FYB2: variants seen among roughly 807,000 people sequenced by gnomAD.
The protein encoded by FYB2 is FYN binding protein 2.
A neutral mutation model predicts 94.1 loss-of-function variants in FYB2; 103 were observed. The ratio of observed to expected loss-of-function variants is 1.09; its 90% CI spans 0.93 to 1.29. The LOEUF is 1.29. Ranked by LOEUF, FYB2 falls within the 50% of genes most tolerant of loss-of-function variation. The pLI is 0.00. For synonymous variants in FYB2, 293 were observed against 287.9 expected (o/e 1.02, Z -0.18); for missense variants, 896 against 841.5 (o/e 1.06, Z -0.80).
intron 1 of FYB2, among the ~76,000 whole-genome samples, chr1:56,796,447 C>T (rs1021448447): frequency 3.9e-5 from 6 of 152,172 alleles, no homozygotes; most frequent in East Asian, 3.9e-4. Flanking sequence ...CACCTCCCTT[C>T]GATTCTTCCT....
chr1:56,813,450 C>T lies in FYB2; in HGVS notation c.9+5832G>A, dbSNP rs543119719. On this transcript the variant is annotated intron_variant, in intron 1 of 19. Coordinates refer to ENST00000343433, the MANE Select transcript of FYB2 (RefSeq NM_001004303.5). ...CTTATTCACTATCACGAGAACATCA[C>T]AGGAAAAACCCACCCCCATGATTCA... 5.7e-4 allele frequency among the ~76,000 whole-genome samples: 87 copies of T among 152,274 alleles called. 1 individual carries two copies. Among genetic ancestry groups the T allele is most frequent in the African/African-American group, 2.1e-3 (87 of 41,538 alleles).
At position 56,749,196 on chromosome 1, in the gene FYB2, G is replaced by A. The variant is rs374222354; in HGVS notation, c.1387+1848C>T. Among the ~76,000 whole-genome samples, 764 of 151,362 alleles carry A rather than the reference G, an allele frequency of 5.0e-3. 6 individuals are homozygous for A. The highest frequency in any genetic ancestry group is 0.018 in the African/African-American group (729 of 41,346). On this transcript the variant is annotated intron_variant, in intron 9 of 19. Transcript: ENST00000343433. ...TTTTTATCCTGCTTGAGAACTTTAGGGTTCCTGGCTTTGCAAATTTATCTC... is the reference window on the plus strand; with the variant it reads ...TTTTTATCCTGCTTGAGAACTTTAGAGTTCCTGGCTTTGCAAATTTATCTC...
upstream of FYB2, among the ~76,000 whole-genome samples, chr1:56,822,217 C>T (rs1557683064): frequency 6.6e-6 from 1 of 152,190 alleles, no homozygotes; most frequent in South Asian, 2.1e-4. Flanking sequence ...AGTTAAGTCT[C>T]CTCTTCAGGT....
At chr1:56,744,000 C>G in intron 11 of FYB2, 26 bp downstream of exon 11, 1 of 1,608,402 alleles carries the variant, frequency 6.2e-7, no homozygotes, top group Non-Finnish European at 8.5e-7. Context: ...CTACTGGCAA[C>G]TTCAGAAATG....
intron 13 of FYB2, among the ~76,000 whole-genome samples, chr1:56,740,313 G>C (rs1644921906): frequency 6.6e-6 from 1 of 152,016 alleles, no homozygotes; most frequent in South Asian, 2.1e-4. Context: ...TGGAACAGTA[G>C]ACAAATAAAA....
intron 1 of FYB2, among the ~76,000 whole-genome samples, chr1:56,816,462 C>T (rs1646884314): frequency 6.6e-6 from 1 of 152,184 alleles, no homozygotes; most frequent in South Asian, 2.1e-4. Context: ...CCTTTTATGA[C>T]ACAGTCTCTG....
intron 15 of FYB2, among the ~76,000 whole-genome samples, chr1:56,731,613 C>A (rs1644712386): frequency 6.6e-6 from 1 of 152,020 alleles, no homozygotes; most frequent in African/African-American, 2.4e-5. Context: ...AGCCATCATC[C>A]CCTCCATGGT....
At chr1:56,805,727 C>G (rs1557667646) in intron 1 of FYB2, among the ~76,000 whole-genome samples, 1 of 152,146 alleles carries the variant, frequency 6.6e-6, no homozygotes, top group Admixed American at 6.5e-5. Context: ...CTGTGCTGCT[C>G]TCATGATAGT....
At chr1:56,791,259 T>TC (rs1646257543) in intron 2 of FYB2, among the ~76,000 whole-genome samples, 1 of 132,604 alleles carries the variant, frequency 7.5e-6, no homozygotes, top group Non-Finnish European at 1.7e-5. Context: ...ACAGTCCTTA[T>TC]CTTTTTTTTT....
intron 1 of FYB2, among the ~76,000 whole-genome samples, chr1:56,817,409 C>T (rs1364081399): frequency 6.6e-6 from 1 of 152,206 alleles, no homozygotes; most frequent in African/African-American, 2.4e-5. Context: ...GAAATGGTCT[C>T]ATTGAAAATA....
At chr1:56,748,132 G>T (rs1645111137) in intron 9 of FYB2, among the ~76,000 whole-genome samples, 1 of 152,104 alleles carries the variant, frequency 6.6e-6, no homozygotes, top group Non-Finnish European at 1.5e-5. Context: ...GTTTCTTGTA[G>T]ATTCTGGATA....
intron 4 of FYB2, 55 bp from the exon 5 acceptor site, chr1:56,767,993 G>T: frequency 7.3e-7 from 1 of 1,372,868 alleles, no homozygotes; most frequent in Middle Eastern, 1.8e-4. Context: ...TATTTTGAAA[G>T]CTTTTTGTAT....
At chr1:56,819,549 G>C, upstream of FYB2, 1 of 582,474 alleles carries the variant, frequency 1.7e-6, no homozygotes, top group Non-Finnish European at 3.1e-6. Context: ...TACTCCACCT[G>C]CAGTCCTGCC....
chr1:56,745,531 C>G (rs11206912), intron 9 of FYB2, among the ~76,000 whole-genome samples: 47,912 of 151,780 alleles, frequency 0.32, 7,568 homozygotes, highest in East Asian at 0.34. Flanking sequence ...CATCTGTCCA[C>G]TGTAGTTTCA....
intron 6 of FYB2, among the ~76,000 whole-genome samples, chr1:56,758,445 T>C (rs573670571): frequency 9.9e-4 from 151 of 152,168 alleles, no homozygotes; most frequent in Non-Finnish European, 1.0e-3. Flanking sequence ...CTGGAAGTCA[T>C]AGTTATTAAA....
rs12083007 is a variant in FYB2, at chr1:56,787,464, C to A, written c.920-256G>T. On this transcript the variant is annotated intron_variant, in intron 3 of 19. Coordinates refer to ENST00000343433, the MANE Select transcript of FYB2 (RefSeq NM_001004303.5). ...ATTAGACTTTGACCTCCTTAAAGAC[C>A]AGAACCCCTGTGGGGTTTATCTCTT... 0.13 allele frequency among the ~76,000 whole-genome samples: 20,057 copies of A among 152,220 alleles called. 1,422 individuals are homozygous for A. Among genetic ancestry groups the A allele is most frequent in the East Asian group, 0.27 (1,388 of 5,160 alleles).
At chr1:56,796,026 A>C (rs951379086) in intron 1 of FYB2, among the ~76,000 whole-genome samples, 4 of 152,176 alleles carry the variant, frequency 2.6e-5, no homozygotes, top group Non-Finnish European at 5.9e-5. Flanking sequence ...ATTACACAAG[A>C]AAATATTAGA....
Position 56,740,784 on chromosome 1 carries a change from T to A in FYB2, c.1616A>T (p.Lys539Ile). The A allele has an allele frequency of 6.2e-7, 1 of 1,601,826 alleles. No homozygotes were observed. Residue 539 changes from lysine to isoleucine, a missense_variant, in exon 13 of 20, where the codon AAA becomes ATA. By Grantham distance (102) the Lys-to-Ile change is moderately radical. Transcript: ENST00000343433. ...TTGCTGCAGTCTTTTGAGTGCTTCT[T>A]TTCCATCTAAACTGAGAGGAATCAC... ...NNYPKIDLDGKEALKRLQQFF... is the reference protein window; with the variant it reads ...NNYPKIDLDGIEALKRLQQFF...
intron 1 of FYB2, among the ~76,000 whole-genome samples, chr1:56,812,715 T>C (rs1646794422): frequency 6.6e-6 from 1 of 152,178 alleles, no homozygotes; most frequent in South Asian, 2.1e-4. Flanking sequence ...ATCATTTCTG[T>C]CCGTTTTCCA....
Sources: gnomAD v4.1 joint callset for allele counts (sites outside exome capture counted in the v4.1 genomes callset) on GRCh38, gnomAD v4.1.1 for gene constraint, MANE v1.5 for transcripts, NCBI Gene and HGNC (gene_info 2026-07-23, HGNC 2026-07-21) for gene names.